Variants in PID1 observed in about 807,000 individuals in gnomAD.
PID1 encodes PTB-containing, cubilin and LRP1-interacting protein.
Under a neutral mutation model 19.1 loss-of-function variants are expected in PID1, and 10 were observed. That is an observed-to-expected ratio of 0.52 (90% CI 0.32 to 0.89). The LOEUF is 0.89. Among genes scored for constraint, PID1 ranks in the 40% least tolerant of loss-of-function variants. The pLI, the probability that PID1 is intolerant of heterozygous loss-of-function variation, is 0.03. For missense variants in PID1, 248 were observed against 285.3 expected (o/e 0.87, Z 0.94); for synonymous variants, 130 against 116.0 (o/e 1.12, Z -0.78).
At chr2:229,043,584 T>G (rs1020536894) in intron 2 of PID1, among the ~76,000 whole-genome samples, 1 of 152,214 alleles carries the variant, frequency 6.6e-6, no homozygotes. Flanking sequence ...CTTGCACTGG[T>G]GCAAAAGTTT....
chr2:229,129,513 G>A (rs1473113419), intron 2 of PID1, among the ~76,000 whole-genome samples: 2 of 151,962 alleles, frequency 1.3e-5, no homozygotes, highest in African/African-American at 4.8e-5. Context: ...TGTGACTATG[G>A]TAATAAGTAT....
At chr2:229,114,984 A>C (rs1303193549) in intron 2 of PID1, among the ~76,000 whole-genome samples, 1 of 152,238 alleles carries the variant, frequency 6.6e-6, no homozygotes, top group Non-Finnish European at 1.5e-5. Flanking sequence ...TTATTACTGA[A>C]CAATGAAAAA....
intron 1 of PID1, among the ~76,000 whole-genome samples, chr2:229,172,846 C>T (rs1464345319): frequency 6.6e-6 from 1 of 152,134 alleles, no homozygotes. Flanking sequence ...ATTCTCCTGC[C>T]TCAACCTCCT....
At chr2:229,187,638 G>C (rs560924408) in intron 1 of PID1, among the ~76,000 whole-genome samples, 1 of 152,146 alleles carries the variant, frequency 6.6e-6, no homozygotes, top group African/African-American at 2.4e-5. Flanking sequence ...GATTTGGATG[G>C]GGACACGGCC....
intron 2 of PID1, among the ~76,000 whole-genome samples, chr2:229,046,550 T>C (rs1693886232): frequency 6.6e-6 from 1 of 151,926 alleles, no homozygotes; most frequent in South Asian, 2.1e-4. Context: ...TCTTTCTTAG[T>C]TTACCTTAAT....
At chr2:229,099,183 G>A (rs571647560) in intron 2 of PID1, among the ~76,000 whole-genome samples, 68 of 152,336 alleles carry the variant, frequency 4.5e-4, no homozygotes, top group African/African-American at 1.4e-3. Context: ...CAATCAGGGA[G>A]TTAGAAACAA....
intron 2 of PID1, among the ~76,000 whole-genome samples, chr2:229,029,347 T>C (rs1693496417): frequency 1.4e-5 from 2 of 147,150 alleles, no homozygotes; most frequent in African/African-American, 5.0e-5. Context: ...GAAAACATGC[T>C]ACCATCCTTA....
chr2:229,027,139 G>C (rs952140497), intron 2 of PID1, among the ~76,000 whole-genome samples: 8 of 152,180 alleles, frequency 5.3e-5, no homozygotes, highest in Admixed American at 2.0e-4. Context: ...GGGACATTTG[G>C]TCAGAATGAT....
chr2:229,213,284 C>T (rs1691777642), intron 1 of PID1, among the ~76,000 whole-genome samples: 1 of 152,266 alleles, frequency 6.6e-6, no homozygotes, highest in Non-Finnish European at 1.5e-5. Flanking sequence ...ACAGCCCACC[C>T]CCTTGCCCTC....
intron 1 of PID1, among the ~76,000 whole-genome samples, chr2:229,228,239 G>A (rs1692125349): frequency 1.3e-5 from 2 of 152,052 alleles, no homozygotes; most frequent in African/African-American, 4.8e-5. Flanking sequence ...TTGTTCATAT[G>A]ACTATGAAAA....
rs140609082 is a variant in PID1 at position 229,025,725 on chromosome 2, C to T, written c.561G>A (p.Arg187=). 23 of 1,614,144 alleles carry T rather than the reference C, an allele frequency of 1.4e-5. No individual in the cohort carries two copies. In the South Asian group the frequency reaches 1.8e-4, roughly 12 times the overall value. The part of the protein sequence containing the change: ...KLAHAMMEAF[R]KTFHSMKSDG... ...CGCTCTTCATACTGTGGAAAGTCTT[C>T]CTGAAGGCCTCCATCATGGCGTGGG... Residue 187 remains arginine (R), a synonymous_variant, in exon 3 of 3, where the codon AGG becomes AGA. Coordinates refer to ENST00000392055, the MANE Select transcript of PID1 (RefSeq NM_001100818.2).
At chr2:229,029,329 A>C (rs1358712792) in intron 2 of PID1, among the ~76,000 whole-genome samples, 1 of 152,066 alleles carries the variant, frequency 6.6e-6, no homozygotes, top group East Asian at 1.9e-4. Context: ...AAAAAAAAAA[A>C]AAAACATGAA....
At chr2:229,061,390 C>T (rs940827574) in intron 2 of PID1, among the ~76,000 whole-genome samples, 18 of 151,732 alleles carry the variant, frequency 1.2e-4, no homozygotes, top group Non-Finnish European at 2.1e-4. Flanking sequence ...CTCTTGGCAT[C>T]TTCATCAAAA....
intron 2 of PID1, among the ~76,000 whole-genome samples, chr2:229,114,131 CTCTT>C (rs1299646338): frequency 5.4e-4 from 80 of 148,044 alleles, no homozygotes; most frequent in African/African-American, 1.9e-3. Context: ...CTCTCTCTCT[CTCTT>C]TCTCTCTCTC....
chr2:229,102,902 T>C (rs773717338), intron 2 of PID1, among the ~76,000 whole-genome samples: 5 of 152,162 alleles, frequency 3.3e-5, no homozygotes, highest in African/African-American at 4.8e-5. Flanking sequence ...TTTCAGGTAC[T>C]AAAGCCTCAA....
chr2:229,221,656 G>C lies in PID1; in HGVS notation c.30+49358C>G, dbSNP rs140206602. Among the ~76,000 whole-genome samples the C allele has an allele frequency of 1.3e-3, 197 of 152,024 alleles. 1 individual carries two copies. In the Middle Eastern group the frequency reaches 0.014, roughly 10 times the overall value. On this transcript the variant is annotated intron_variant, in intron 1 of 2. Coordinates refer to ENST00000392055, the MANE Select transcript of PID1 (RefSeq NM_001100818.2). Reference sequence around the variant, plus strand: ...CCCACACTCTCCCAATTTCATCTACGGCCACAGATAATCATGCTCAAGTTC... The same window carrying C: ...CCCACACTCTCCCAATTTCATCTACCGCCACAGATAATCATGCTCAAGTTC...
intron 1 of PID1, among the ~76,000 whole-genome samples, chr2:229,222,217 C>T (rs926361603): frequency 2.0e-5 from 3 of 152,084 alleles, no homozygotes; most frequent in African/African-American, 7.2e-5. Context: ...CTTCATGCAC[C>T]CAGAACTCCA....
At chr2:229,084,961 T>C (rs1694736970) in intron 2 of PID1, among the ~76,000 whole-genome samples, 1 of 151,038 alleles carries the variant, frequency 6.6e-6, no homozygotes, top group South Asian at 2.1e-4. Context: ...GAAAATCGAG[T>C]CACCTCTTTT....
intron 2 of PID1, among the ~76,000 whole-genome samples, chr2:229,053,112 G>T (rs1450346786): frequency 2.0e-5 from 3 of 152,154 alleles, no homozygotes; most frequent in African/African-American, 7.2e-5. Context: ...GTAGAAGGCA[G>T]ATTTCTATCA....
Sources: allele counts gnomAD v4.1 joint callset (sites outside exome capture counted in the v4.1 genomes callset), GRCh38; gene constraint gnomAD v4.1.1; transcripts MANE v1.5; gene names NCBI Gene and HGNC (gene_info 2026-07-23, HGNC 2026-07-21).